MID1: variants seen among roughly 807,000 people sequenced by gnomAD.
MID1 encodes the protein E3 ubiquitin-protein ligase Midline-1.
In MID1, 7 loss-of-function variants were observed where a neutral mutation model predicts 40.4. The observed-to-expected ratio is 0.17, with a 90% CI of 0.10 to 0.33. The LOEUF (loss-of-function observed/expected upper bound fraction) is 0.33. Among genes scored for constraint, MID1 ranks in the 10% least tolerant of loss-of-function variants. The pLI, the probability that MID1 is intolerant of heterozygous loss-of-function variation, is 1.00. For missense variants in MID1, 367 were observed against 558.5 expected, an observed-to-expected ratio of 0.66 and a Z score of 3.46; for synonymous variants, 229 against 221.2, an observed-to-expected ratio of 1.04 and a Z score of -0.31.
intron 1 of MID1, among the ~76,000 whole-genome samples, chrX:10,674,417 T>C (rs1305325375): frequency 8.9e-6 from 1 of 112,384 alleles, no homozygotes; most frequent in Non-Finnish European, 1.9e-5. Context: ...GCCTCTGCAA[T>C]AAACTCCACA....
chrX:10,728,187 T>A (rs1040678113), intron 1 of MID1, among the ~76,000 whole-genome samples: 19 of 108,644 alleles, frequency 1.7e-4, no homozygotes, highest in Non-Finnish European at 1.3e-4. Context: ...ACTCATCAAC[T>A]TTTCCCCCCC....
At chrX:10,669,979 A>G (rs1297405443) in intron 1 of MID1, among the ~76,000 whole-genome samples, 1 of 111,828 alleles carries the variant, frequency 8.9e-6, no homozygotes, top group Admixed American at 9.5e-5. Context: ...GTCTTAGCTA[A>G]GTAGGTTAAA....
chrX:10,605,609 T>C (rs1474472269), intron 1 of MID1, among the ~76,000 whole-genome samples: 1 of 112,065 alleles, frequency 8.9e-6, no homozygotes, highest in African/African-American at 3.2e-5. Flanking sequence ...CTCAACATAA[T>C]CTACTAAACC....
intron 1 of MID1, among the ~76,000 whole-genome samples, chrX:10,769,974 T>G (rs974385475): frequency 8.9e-6 from 1 of 111,849 alleles, no homozygotes; most frequent in Middle Eastern, 4.6e-3. Flanking sequence ...GCAGGAAAAA[T>G]ATTTATATTT....
chrX:10,532,335 T>G (rs1250642000), intron 2 of MID1, among the ~76,000 whole-genome samples: 1 of 111,711 alleles, frequency 9.0e-6, no homozygotes, highest in Non-Finnish European at 1.9e-5. Flanking sequence ...CTACAAAAAC[T>G]TTTTTAAAAA....
intron 1 of MID1, among the ~76,000 whole-genome samples, chrX:10,592,878 C>A (rs748286807): frequency 8.9e-6 from 1 of 112,064 alleles, no homozygotes; most frequent in African/African-American, 3.2e-5. Context: ...ACTTGCATAA[C>A]TACAAATCAC....
chrX:10,787,012 G>A (rs2043890502), intron 1 of MID1, among the ~76,000 whole-genome samples: 2 of 110,405 alleles, frequency 1.8e-5, no homozygotes, highest in African/African-American at 6.6e-5. Flanking sequence ...AATTCAACAA[G>A]CTCCCAGAGT....
At chrX:10,812,774 G>A (rs1353171686) in intron 1 of MID1, among the ~76,000 whole-genome samples, 1 of 111,406 alleles carries the variant, frequency 9.0e-6, no homozygotes, top group African/African-American at 3.3e-5. Context: ...GAAATTGGGC[G>A]AGAAGCATGC....
chrX:10,451,251 T>A (rs1305615645), intron 9 of MID1, among the ~76,000 whole-genome samples: 2 of 111,079 alleles, frequency 1.8e-5, no homozygotes, highest in East Asian at 5.7e-4. Flanking sequence ...CCTGTAGGAG[T>A]CTGGGTCAGG....
chrX:10,592,274 TA>T (rs144661774), intron 1 of MID1, among the ~76,000 whole-genome samples: 7,243 of 28,206 alleles, frequency 0.26, 855 homozygotes, highest in East Asian at 0.36. Context: ...GGGACTGCGT[TA>T]AAAAAAAAAA....
intron 9 of MID1, among the ~76,000 whole-genome samples, chrX:10,454,282 G>A (rs1354134695): frequency 1.8e-5 from 2 of 112,173 alleles, no homozygotes; most frequent in Non-Finnish European, 3.8e-5. Flanking sequence ...AATTGGTCCA[G>A]TCTAGAACCA....
chrX:10,519,297 A>G (rs1932598596), intron 3 of MID1, among the ~76,000 whole-genome samples: 1 of 112,030 alleles, frequency 8.9e-6, no homozygotes, highest in Non-Finnish European at 1.9e-5. Context: ...TATGGCACAC[A>G]GATTATTCCA....
chrX:10,762,038 T>C (rs139046674), intron 1 of MID1, among the ~76,000 whole-genome samples: 4,085 of 111,896 alleles, frequency 0.037, 196 homozygotes, highest in African/African-American at 0.13. Flanking sequence ...AGAACTTCGA[T>C]GTTTGCACAT....
chrX:10,668,571 T>A (rs747611772), intron 1 of MID1, among the ~76,000 whole-genome samples: 1 of 112,400 alleles, frequency 8.9e-6, no homozygotes, highest in African/African-American at 3.2e-5. Context: ...AGGCAATAGA[T>A]ATTATCAAAT....
intron 9 of MID1, among the ~76,000 whole-genome samples, chrX:10,454,324 G>T (rs1467207307): frequency 8.9e-6 from 1 of 112,246 alleles, no homozygotes; most frequent in Non-Finnish European, 1.9e-5. Context: ...AATTAGTTTT[G>T]TGTAATGATG....
At chrX:10,550,475 G>A (rs779896124) in intron 2 of MID1, among the ~76,000 whole-genome samples, 1 of 111,936 alleles carries the variant, frequency 8.9e-6, no homozygotes, top group Non-Finnish European at 1.9e-5. Flanking sequence ...AGAGAAGCCC[G>A]CTGTGCAAAG....
chrX:10,792,735 C>T (rs915740252), intron 1 of MID1, among the ~76,000 whole-genome samples: 3 of 111,078 alleles, frequency 2.7e-5, no homozygotes, highest in East Asian at 5.7e-4. Flanking sequence ...GGGCTAGGGA[C>T]GGGGAAGTGG....
At position 10,469,744 on chromosome X, in the gene MID1, G is replaced by C; in HGVS notation, c.1238C>G (p.Ser413Cys). The change falls in exon 7 of 10, where the codon TCC (serine) becomes TGC (cysteine). Residue 413 changes from serine (S) to cysteine (C), a missense_variant. Ser to Cys is a moderately radical substitution (Grantham distance 112). Transcript: ENST00000317552. ...GAATATGGTGTACTGGAGCTCGTAG[G>C]AGACCACGCTGAACTCATCATCGGA... ...WTSDDEFSVV[S>C]YELQYTIFTG... 1 of 1,210,839 alleles carries C rather than the reference G, an allele frequency of 8.3e-7. No homozygotes were observed. The highest frequency in any genetic ancestry group is 1.1e-6 in the Non-Finnish European group (1 of 894,695).
intron 4 of MID1, among the ~76,000 whole-genome samples, chrX:10,487,763 T>G (rs1930701344): frequency 9.0e-6 from 1 of 111,508 alleles, no homozygotes; most frequent in African/African-American, 3.3e-5. Context: ...TATACTACTT[T>G]CTGTCTGACT....
Sources: allele counts gnomAD v4.1 joint callset (sites outside exome capture counted in the v4.1 genomes callset), GRCh38; gene constraint gnomAD v4.1.1; transcripts MANE v1.5; gene names NCBI Gene and HGNC (gene_info 2026-07-23, HGNC 2026-07-21).